Variants in SEMA6D observed in about 807,000 individuals in gnomAD.
The protein encoded by SEMA6D is semaphorin-6D.
A neutral mutation model predicts 106.6 loss-of-function variants in SEMA6D; 35 were observed. That is an observed-to-expected ratio of 0.33 (90% confidence interval 0.25 to 0.44). The LOEUF (loss-of-function observed/expected upper bound fraction) is 0.44, where lower values mean the gene tolerates loss of function less well. Ranked by LOEUF, SEMA6D falls within the 20% of genes least tolerant of loss-of-function variation. SEMA6D has a pLI of 1.00. For synonymous variants in SEMA6D, 499 were observed against 487.7 expected (o/e 1.02, Z -0.31); for missense variants, 1,185 against 1,345.9 (o/e 0.88, Z 1.87).
chr15:47,432,530 A>G (rs1378967572), intron 2 of SEMA6D, among the ~76,000 whole-genome samples: 4 of 109,210 alleles, frequency 3.7e-5, no homozygotes, highest in African/African-American at 1.0e-4. Context: ...GCATATATAC[A>G]TACACATATG....
chr15:47,593,786 G>A (rs970366444), intron 3 of SEMA6D, among the ~76,000 whole-genome samples: 5 of 152,160 alleles, frequency 3.3e-5, no homozygotes, highest in African/African-American at 9.7e-5. Flanking sequence ...TGGCGGAAGG[G>A]GGAGTAGGTG....
chr15:47,547,738 A>T (rs947100314), intron 3 of SEMA6D, among the ~76,000 whole-genome samples: 1 of 152,174 alleles, frequency 6.6e-6, no homozygotes, highest in Non-Finnish European at 1.5e-5. Flanking sequence ...AAAACCAGCC[A>T]CGTTGGCCTA....
intron 1 of SEMA6D, among the ~76,000 whole-genome samples, chr15:47,184,844 G>T (rs114892604): frequency 6.6e-6 from 1 of 152,214 alleles, no homozygotes; most frequent in Non-Finnish European, 1.5e-5. Context: ...GATCCGGGTC[G>T]GCAGCCGGCT....
At chr15:47,498,601 T>C (rs1372037560) in intron 3 of SEMA6D, among the ~76,000 whole-genome samples, 1 of 152,164 alleles carries the variant, frequency 6.6e-6, no homozygotes, top group Non-Finnish European at 1.5e-5. Flanking sequence ...TGCCTGCCTC[T>C]GTTTTCATAA....
chr15:47,621,067 C>G (rs1242486837), intron 4 of SEMA6D, among the ~76,000 whole-genome samples: 1 of 152,152 alleles, frequency 6.6e-6, no homozygotes, highest in African/African-American at 2.4e-5. Context: ...CTCTTACATC[C>G]TTGTTAGTTC....
intron 1 of SEMA6D, among the ~76,000 whole-genome samples, chr15:47,296,622 C>A (rs1476385650): frequency 6.6e-6 from 1 of 152,158 alleles, no homozygotes; most frequent in Non-Finnish European, 1.5e-5. Context: ...GAACCAGATA[C>A]ACTGTTTTAA....
At chr15:47,246,769 T>C (rs2033231056) in intron 1 of SEMA6D, among the ~76,000 whole-genome samples, 1 of 152,206 alleles carries the variant, frequency 6.6e-6, no homozygotes, top group Admixed American at 6.5e-5. Flanking sequence ...TCTAATCACA[T>C]CTGCAAAGTT....
chr15:47,234,663 GC>G (rs1346295436), intron 1 of SEMA6D, among the ~76,000 whole-genome samples: 1 of 151,946 alleles, frequency 6.6e-6, no homozygotes, highest in Non-Finnish European at 1.5e-5. Flanking sequence ...CCAAGTTGTT[GC>G]AAAAGACATT....
chr15:47,577,550 G>C (rs954429420), intron 3 of SEMA6D, among the ~76,000 whole-genome samples: 4 of 152,246 alleles, frequency 2.6e-5, no homozygotes, highest in African/African-American at 9.6e-5. Context: ...GAAGAGGCCA[G>C]TGGCTTGCTG....
intron 1 of SEMA6D, among the ~76,000 whole-genome samples, chr15:47,342,272 C>T (rs1009722094): frequency 3.3e-5 from 5 of 152,166 alleles, no homozygotes; most frequent in Non-Finnish European, 4.4e-5. Context: ...TGCACTGCAG[C>T]AGGGCAGTCT....
At chr15:47,726,703 A>C (rs185489701) in intron 1 of SEMA6D, among the ~76,000 whole-genome samples, 1 of 152,354 alleles carries the variant, frequency 6.6e-6, no homozygotes. Context: ...GACACAGATG[A>C]ATTAATATTT....
chr15:47,411,583 G>A (rs2040800984), intron 1 of SEMA6D, among the ~76,000 whole-genome samples: 1 of 152,078 alleles, frequency 6.6e-6, no homozygotes, highest in Non-Finnish European at 1.5e-5. Flanking sequence ...ACTTATCTAA[G>A]AATGACAAAG....
At chr15:47,683,057 A>G (rs2078392181) in intron 4 of SEMA6D, among the ~76,000 whole-genome samples, 2 of 152,186 alleles carry the variant, frequency 1.3e-5, no homozygotes, top group African/African-American at 4.8e-5. Context: ...GTCTGTGCAC[A>G]TATTTTTTAT....
intron 2 of SEMA6D, among the ~76,000 whole-genome samples, chr15:47,458,846 T>G (rs1431954132): frequency 6.6e-6 from 1 of 151,680 alleles, no homozygotes; most frequent in Non-Finnish European, 1.5e-5. Flanking sequence ...GCAAAAGAAA[T>G]AAAGCTATGA....
intron 1 of SEMA6D, chr15:47,380,551 T>C (rs372212280): frequency 6.6e-6 from 1 of 152,236 alleles, no homozygotes; most frequent in East Asian, 1.9e-4. Flanking sequence ...TATTTTCATA[T>C]TCATATTTAA....
intron 1 of SEMA6D, among the ~76,000 whole-genome samples, chr15:47,255,195 T>TA (rs899312850): frequency 1.3e-5 from 2 of 152,154 alleles, no homozygotes; most frequent in Admixed American, 1.3e-4. Context: ...CCAAGGAACT[T>TA]ACCAGTTTTT....
intron 1 of SEMA6D, among the ~76,000 whole-genome samples, chr15:47,231,220 C>A (rs2032173325): frequency 6.6e-6 from 1 of 151,864 alleles, no homozygotes; most frequent in Admixed American, 6.6e-5. Flanking sequence ...CTTCAACAGG[C>A]AGTTCTCTCA....
chr15:47,502,304 C>T (rs564677643), intron 3 of SEMA6D, among the ~76,000 whole-genome samples: 1 of 152,114 alleles, frequency 6.6e-6, no homozygotes, highest in Non-Finnish European at 1.5e-5. Flanking sequence ...TGCCTTTGAC[C>T]CGTGTCATTG....
intron 1 of SEMA6D, among the ~76,000 whole-genome samples, chr15:47,208,898 G>T (rs1274967996): frequency 6.6e-6 from 1 of 152,004 alleles, no homozygotes; most frequent in Non-Finnish European, 1.5e-5. Flanking sequence ...TACTGCCTGT[G>T]GTTTCTTTCA....
Sources: gnomAD v4.1 joint callset for allele counts (sites outside exome capture counted in the v4.1 genomes callset) on GRCh38, gnomAD v4.1.1 for gene constraint, MANE v1.5 for transcripts, NCBI Gene and HGNC (gene_info 2026-07-23, HGNC 2026-07-21) for gene names.